The following DOK6 variants were observed in gnomAD, a reference collection of about 807,000 sequenced individuals.
DOK6 encodes docking protein 6, also known as downstream of tyrosine kinase 6.
In DOK6, 22 loss-of-function variants were observed where a neutral mutation model predicts 44.0. That is an observed-to-expected ratio of 0.50 (90% CI 0.36 to 0.71). The LOEUF is 0.71. Among genes scored for constraint, DOK6 ranks in the 30% least tolerant of loss-of-function variants. The probability of loss-of-function intolerance (pLI) is 0.00; values close to 1 mark genes in which losing one functional copy is unlikely to be tolerated. For missense variants in DOK6, 340 were observed against 416.4 expected (o/e 0.82, Z 1.60); for synonymous variants, 166 against 145.5 (o/e 1.14, Z -1.01).
intron 1 of DOK6, among the ~76,000 whole-genome samples, chr18:69,508,074 T>C (rs1004216155): frequency 1.3e-5 from 2 of 152,204 alleles, no homozygotes; most frequent in Non-Finnish European, 2.9e-5. Context: ...ATTTTTTTCA[T>C]GAATGGATGT....
intron 1 of DOK6, among the ~76,000 whole-genome samples, chr18:69,485,216 G>T (rs1271627248): frequency 6.6e-6 from 1 of 152,172 alleles, no homozygotes; most frequent in Non-Finnish European, 1.5e-5. Flanking sequence ...TGGATTCCCA[G>T]TGGTTCCATG....
intron 7 of DOK6, among the ~76,000 whole-genome samples, chr18:69,780,035 G>A (rs118080895): frequency 0.051 from 7,732 of 152,044 alleles, 251 homozygotes; most frequent in Middle Eastern, 0.088. Flanking sequence ...AAATAATAGA[G>A]CATGAAAATA....
chr18:69,502,307 A>G (rs1442681), intron 1 of DOK6, among the ~76,000 whole-genome samples: 23,149 of 152,054 alleles, frequency 0.15, 1,942 homozygotes, highest in Non-Finnish European at 0.18. Flanking sequence ...TCTGAAACCA[A>G]GAAAACCATG....
At chr18:69,447,875 A>G (rs1979341564) in intron 1 of DOK6, among the ~76,000 whole-genome samples, 1 of 152,182 alleles carries the variant, frequency 6.6e-6, no homozygotes, top group Non-Finnish European at 1.5e-5. Context: ...TGCCTGTTAT[A>G]TTCCTTATCT....
intron 5 of DOK6, among the ~76,000 whole-genome samples, chr18:69,729,439 T>TA (rs538518017): frequency 5.3e-5 from 8 of 152,336 alleles, no homozygotes; most frequent in African/African-American, 1.9e-4. Flanking sequence ...TTTGTCTTTT[T>TA]AGCAAGAAGT....
chr18:69,820,787 G>T (rs140471141), intron 7 of DOK6, among the ~76,000 whole-genome samples: 90 of 152,148 alleles, frequency 5.9e-4, no homozygotes, highest in African/African-American at 2.0e-3. Flanking sequence ...GCAAACTTAG[G>T]CAGGAACAGA....
intron 1 of DOK6, among the ~76,000 whole-genome samples, chr18:69,519,677 A>G (rs940207392): frequency 3.3e-5 from 5 of 152,056 alleles, no homozygotes; most frequent in African/African-American, 1.2e-4. Context: ...AAAATGCATT[A>G]TTTTATCAGT....
At chr18:69,768,954 C>CGTGTGTGTGTGCGTGTGTGT (rs1555669807) in intron 7 of DOK6, among the ~76,000 whole-genome samples, 1 of 142,590 alleles carries the variant, frequency 7.0e-6, no homozygotes, top group African/African-American at 2.6e-5. Flanking sequence ...GAAGGGTGTG[C>CGTGTGTGTGTGCGTGTGTGT]GTGTGTGTGT....
intron 6 of DOK6, among the ~76,000 whole-genome samples, chr18:69,740,215 C>T (rs529522053): frequency 6.6e-6 from 1 of 152,152 alleles, no homozygotes; most frequent in Non-Finnish European, 1.5e-5. Flanking sequence ...ACTGAAGAAT[C>T]ATCAATTAGA....
At position 69,845,625 on chromosome 18, in the gene DOK6, T is replaced by C. The variant is rs1363787933; in HGVS notation, c.*4242T>C. 1 of 152,194 alleles carries C rather than the reference T, an allele frequency of 6.6e-6. No homozygotes were observed. The highest frequency in any genetic ancestry group is 1.5e-5 in the Non-Finnish European group (1 of 68,036). 9.4% of individuals were successfully genotyped at this position (152,194 alleles called of 1,614,324 possible). A position where few individuals can be genotyped will look rare whatever the true frequency, so the allele number is the denominator to read the frequency against. On this transcript the variant is annotated 3_prime_UTR_variant, in exon 8 of 8. Transcript: ENST00000382713. ...TAGTCATGAACGCAACAATTTAGGT[T>C]AAATGATAAAGAATACAATGAAATG... is the stretch of plus-strand genomic sequence containing the variant.
chr18:69,495,707 T>A (rs189728339), intron 1 of DOK6, among the ~76,000 whole-genome samples: 394 of 152,308 alleles, frequency 2.6e-3, no homozygotes, highest in African/African-American at 8.8e-3. Flanking sequence ...TCTGCCCAGG[T>A]ACCTGTCTGC....
chr18:69,711,026 G>A (rs558884383), intron 5 of DOK6, among the ~76,000 whole-genome samples: 5 of 152,190 alleles, frequency 3.3e-5, no homozygotes, highest in Non-Finnish European at 7.3e-5. Context: ...CTTCAGGCTA[G>A]GTCTACAGTT....
intron 1 of DOK6, among the ~76,000 whole-genome samples, chr18:69,491,980 T>C (rs139082185): frequency 4.7e-4 from 71 of 152,314 alleles, no homozygotes; most frequent in African/African-American, 1.6e-3. Flanking sequence ...AATAGAGAAC[T>C]CAGATAGTTT....
At chr18:69,795,132 G>T (rs183694732) in intron 7 of DOK6, among the ~76,000 whole-genome samples, 6 of 152,072 alleles carry the variant, frequency 3.9e-5, no homozygotes, top group Non-Finnish European at 8.8e-5. Context: ...GGTGCTAAAA[G>T]GTTGTGGGCG....
At position 69,756,499 on chromosome 18, in the gene DOK6, G is replaced by A. The variant is rs138593782; in HGVS notation, c.739-1257G>A. Among the ~76,000 whole-genome samples, 523 of 152,286 alleles carry A rather than the reference G, an allele frequency of 3.4e-3. 3 individuals are homozygous for A. The highest frequency in any genetic ancestry group is 8.3e-3 in the African/African-American group (346 of 41,566). On this transcript the variant is annotated intron_variant, in intron 6 of 7. Transcript: ENST00000382713. ...GAGTATGGCACTTCTGTGACAAGAC[G>A]TAGCAGCTCGAGAAATGCCTTACTA...
intron 1 of DOK6, among the ~76,000 whole-genome samples, chr18:69,503,989 CAG>C (rs1981116793): frequency 6.6e-6 from 1 of 151,978 alleles, no homozygotes; most frequent in Non-Finnish European, 1.5e-5. Context: ...CTGAATGACT[CAG>C]ATAATTTTTT....
At chr18:69,672,563 G>A (rs1021698113) in intron 3 of DOK6, among the ~76,000 whole-genome samples, 1 of 152,064 alleles carries the variant, frequency 6.6e-6, no homozygotes, top group Non-Finnish European at 1.5e-5. Flanking sequence ...TCGCCATGTT[G>A]GCCGGGCTGG....
Position 69,845,624 on chromosome 18 carries a change from T to A in DOK6, c.*4241T>A, listed in dbSNP as rs1982329661. On this transcript the variant is annotated 3_prime_UTR_variant, in exon 8 of 8. Coordinates refer to ENST00000382713, the MANE Select transcript of DOK6 (RefSeq NM_152721.6). ...CTAGTCATGAACGCAACAATTTAGG[T>A]TAAATGATAAAGAATACAATGAAAT... 2.6e-5 allele frequency: 4 copies of A among 152,136 alleles called. No individual in the cohort carries two copies. The highest frequency in any genetic ancestry group is 5.9e-5 in the Non-Finnish European group (4 of 68,024). The allele number at this position is 152,136 out of a possible 1,614,324, so 9.4% of individuals were successfully genotyped here.
intron 7 of DOK6, among the ~76,000 whole-genome samples, chr18:69,774,182 G>A (rs1161070196): frequency 1.1e-5 from 1 of 91,956 alleles, no homozygotes; most frequent in Non-Finnish European, 2.4e-5. Context: ...GTCATAAAAA[G>A]GAATGAATTA....
Sources: gnomAD v4.1 joint callset for allele counts (sites outside exome capture counted in the v4.1 genomes callset) on GRCh38, gnomAD v4.1.1 for gene constraint, MANE v1.5 for transcripts, NCBI Gene and HGNC (gene_info 2026-07-23, HGNC 2026-07-21) for gene names.